Variants in TRPC5 observed in about 807,000 individuals in gnomAD.
TRPC5 encodes the protein transient receptor potential cation channel subfamily C member 5, also known as short transient receptor potential channel 5.
Under a neutral mutation model 56.5 loss-of-function variants are expected in TRPC5, and 9 were observed. That is an observed-to-expected ratio of 0.16 (90% CI 0.10 to 0.28). TRPC5 has a LOEUF of 0.28. Among genes scored for constraint, TRPC5 ranks in the 10% least tolerant of loss-of-function variants. The pLI is 1.00. For synonymous variants in TRPC5, 282 were observed against 278.5 expected (o/e 1.01, Z -0.13); for missense variants, 469 against 748.9 (o/e 0.63, Z 4.36).
At chrX:112,000,230 T>A (rs1484036552) in intron 1 of TRPC5, among the ~76,000 whole-genome samples, 2 of 111,347 alleles carry the variant, frequency 1.8e-5, no homozygotes, top group Admixed American at 1.9e-4. Flanking sequence ...TATTAGACAC[T>A]CACTTGTGGG....
chrX:111,851,061 C>T (rs1453323301), intron 5 of TRPC5, among the ~76,000 whole-genome samples: 2 of 112,098 alleles, frequency 1.8e-5, no homozygotes, highest in Non-Finnish European at 3.8e-5. Context: ...AGCTTTTTCT[C>T]TTAAGGAAGT....
intron 1 of TRPC5, among the ~76,000 whole-genome samples, chrX:111,966,655 G>A (rs201329972): frequency 9.0e-6 from 1 of 111,190 alleles, no homozygotes. Context: ...TTCATCTCTG[G>A]GATGCAAGGC....
intron 1 of TRPC5, among the ~76,000 whole-genome samples, chrX:111,991,461 G>T (rs958557511): frequency 6.2e-5 from 7 of 112,055 alleles, no homozygotes; most frequent in Non-Finnish European, 9.4e-5. Flanking sequence ...ACGAATGGGG[G>T]ACAGTGGCCA....
chrX:111,936,349 T>G (rs961014323), intron 2 of TRPC5, among the ~76,000 whole-genome samples: 1 of 110,792 alleles, frequency 9.0e-6, no homozygotes, highest in African/African-American at 3.3e-5. Context: ...TTTTTTTCTT[T>G]TATTATTATT....
At chrX:111,949,897 A>G (rs1371680613) in intron 2 of TRPC5, among the ~76,000 whole-genome samples, 1 of 112,086 alleles carries the variant, frequency 8.9e-6, no homozygotes, top group African/African-American at 3.3e-5. Flanking sequence ...TTGCACACAC[A>G]TATTTATTGC....
intron 1 of TRPC5, among the ~76,000 whole-genome samples, chrX:111,979,693 T>C (rs1158552370): frequency 8.9e-6 from 1 of 111,754 alleles, no homozygotes. Flanking sequence ...AAAGGATATA[T>C]AAATGGAAAA....
At chrX:111,885,000 C>A (rs149805204) in intron 3 of TRPC5, among the ~76,000 whole-genome samples, 120 of 112,714 alleles carry the variant, frequency 1.1e-3, no homozygotes, top group African/African-American at 3.7e-3. Context: ...TAAGGCCTAT[C>A]CAGGGCCAAA....
At chrX:111,966,651 T>C (rs1172915087) in intron 1 of TRPC5, among the ~76,000 whole-genome samples, 3 of 110,087 alleles carry the variant, frequency 2.7e-5, no homozygotes, top group East Asian at 2.9e-4. Context: ...GGGCTTCATC[T>C]CTGGGATGCA....
At position 111,853,810 on chromosome X, in the gene TRPC5, G is replaced by A. The variant is rs1923151708; in HGVS notation, c.1197C>T (p.Pro399=). The change falls in exon 4 of 11, where the codon CCC becomes CCT. Residue 399 remains proline (P), a synonymous_variant. Transcript: ENST00000262839. The part of the protein sequence containing the change: ...VRTDLHVQGP[P]PTVVEWMILP... Reference sequence around the variant, plus strand: ...ATATCATCCATTCCACGACAGTTGGGGGAGGCCCCTGTACATGAAGGTCTG... The same window carrying A: ...ATATCATCCATTCCACGACAGTTGGAGGAGGCCCCTGTACATGAAGGTCTG... 8.3e-7 allele frequency: 1 copy of A among 1,211,923 alleles called. No homozygotes were observed. Among genetic ancestry groups the A allele is most frequent in the Non-Finnish European group, 1.1e-6 (1 of 895,546 alleles).
At chrX:111,880,925 G>T (rs144563774) in intron 3 of TRPC5, among the ~76,000 whole-genome samples, 1,815 of 111,423 alleles carry the variant, frequency 0.016, 29 homozygotes, top group African/African-American at 0.056. Flanking sequence ...TCCTCACAAT[G>T]GAACTGATAA....
intron 10 of TRPC5, among the ~76,000 whole-genome samples, chrX:111,777,351 G>A (rs761743855): frequency 3.6e-5 from 4 of 110,862 alleles, no homozygotes; most frequent in African/African-American, 9.8e-5. Context: ...CATATAAAAG[G>A]ACTACTGAAG....
intron 1 of TRPC5, among the ~76,000 whole-genome samples, chrX:112,013,126 T>TTTGTTG (rs202012786): frequency 6.0e-5 from 6 of 99,943 alleles, no homozygotes; most frequent in African/African-American, 2.2e-4. Context: ...TAGTGTAGAT[T>TTTGTTG]TTGTTGTTGT....
intron 2 of TRPC5, among the ~76,000 whole-genome samples, chrX:111,915,575 T>C (rs1925950981): frequency 8.9e-6 from 1 of 112,040 alleles, no homozygotes; most frequent in African/African-American, 3.2e-5. Flanking sequence ...TGCTGCCCGC[T>C]CAAATACTGT....
At chrX:111,796,537 GTA>G (rs1921100923) in intron 7 of TRPC5, among the ~76,000 whole-genome samples, 1 of 112,019 alleles carries the variant, frequency 8.9e-6, no homozygotes, top group South Asian at 3.7e-4. Flanking sequence ...TTATAAGCCT[GTA>G]TTCTTTGTCT....
At chrX:112,011,217 C>T (rs1928984046) in intron 1 of TRPC5, among the ~76,000 whole-genome samples, 1 of 111,283 alleles carries the variant, frequency 9.0e-6, no homozygotes, top group South Asian at 3.8e-4. Flanking sequence ...ATGTAGTGGA[C>T]CTTATTAATC....
intron 1 of TRPC5, among the ~76,000 whole-genome samples, chrX:112,046,859 C>T (rs996678714): frequency 4.5e-5 from 5 of 111,564 alleles, no homozygotes; most frequent in African/African-American, 9.8e-5. Flanking sequence ...GATGGACAGA[C>T]CATCTCTGTC....
intron 7 of TRPC5, among the ~76,000 whole-genome samples, chrX:111,798,305 G>T (rs1317639807): frequency 8.9e-6 from 1 of 111,982 alleles, no homozygotes; most frequent in Admixed American, 9.5e-5. Context: ...GCCACCTCCT[G>T]TTGCCATTGT....
intron 2 of TRPC5, among the ~76,000 whole-genome samples, chrX:111,940,710 G>A (rs868535409): frequency 0.012 from 1,204 of 98,371 alleles, 12 homozygotes; most frequent in African/African-American, 0.038. Flanking sequence ...AAAAAAAAAA[G>A]AATAAACTAC....
rs1477705137 is a variant in TRPC5 at position 111,772,813 on chromosome X, G to T, written c.*3500C>A. On this transcript the variant is annotated 3_prime_UTR_variant, in exon 11 of 11. Coordinates refer to ENST00000262839, the MANE Select transcript of TRPC5 (RefSeq NM_012471.3). ...TTTACCTGATGATTTAACAAACCAA[G>T]GTCTGGGGCACTAAAACTATTAGTC... Among the ~76,000 whole-genome samples the T allele has an allele frequency of 2.7e-5, 3 of 110,733 alleles. No homozygotes were observed. The Admixed American group carries it at 2.9e-4, about 11-fold the overall frequency.
Sources: gnomAD v4.1 joint callset for allele counts (sites outside exome capture counted in the v4.1 genomes callset) on GRCh38, gnomAD v4.1.1 for gene constraint, MANE v1.5 for transcripts, NCBI Gene and HGNC (gene_info 2026-07-23, HGNC 2026-07-21) for gene names.